The following NKAIN3 variants were observed in gnomAD, a reference collection of about 807,000 sequenced individuals.
NKAIN3 encodes sodium/potassium-transporting ATPase subunit beta-1-interacting protein 3.
In NKAIN3, 25 loss-of-function variants were observed where a neutral mutation model predicts 30.2. The observed-to-expected ratio is 0.83, with a 90% CI of 0.60 to 1.16. NKAIN3 has a LOEUF of 1.16. NKAIN3 is among the 50% of genes most tolerant of loss of function. NKAIN3 has a pLI of 0.00. For missense variants in NKAIN3, 225 were observed against 254.1 expected (o/e 0.89, Z 0.78); for synonymous variants, 91 against 89.6 (o/e 1.02, Z -0.09).
At chr8:62,443,768 CTTTT>C (rs1239105221) in intron 1 of NKAIN3, among the ~76,000 whole-genome samples, 1 of 151,896 alleles carries the variant, frequency 6.6e-6, no homozygotes, top group Non-Finnish European at 1.5e-5. Flanking sequence ...TCTTCTCTTT[CTTTT>C]TGATTTTTTC....
At chr8:62,805,715 G>A (rs531152355) in intron 4 of NKAIN3, among the ~76,000 whole-genome samples, 4 of 152,234 alleles carry the variant, frequency 2.6e-5, no homozygotes, top group East Asian at 1.9e-4. Context: ...GAAAACCTAG[G>A]CATTACCATT....
At chr8:62,831,924 C>T (rs1318946581) in intron 4 of NKAIN3, among the ~76,000 whole-genome samples, 1 of 151,978 alleles carries the variant, frequency 6.6e-6, no homozygotes, top group Non-Finnish European at 1.5e-5. Context: ...ACCAGACTGT[C>T]CAAGGCCAAC....
intron 1 of NKAIN3, among the ~76,000 whole-genome samples, chr8:62,489,382 T>A (rs1459287729): frequency 6.6e-6 from 1 of 152,162 alleles, no homozygotes; most frequent in Admixed American, 6.6e-5. Context: ...TCTCAATTTT[T>A]AAAAATTGTC....
intron 3 of NKAIN3, among the ~76,000 whole-genome samples, chr8:62,714,736 T>C (rs1298418925): frequency 6.6e-6 from 1 of 152,322 alleles, no homozygotes; most frequent in Non-Finnish European, 1.5e-5. Flanking sequence ...GCAATTTTTC[T>C]TTTTTTACAA....
At chr8:62,506,689 G>A (rs1001065499) in intron 1 of NKAIN3, among the ~76,000 whole-genome samples, 4 of 151,774 alleles carry the variant, frequency 2.6e-5, no homozygotes, top group African/African-American at 9.7e-5. Flanking sequence ...TGGCCAGGCT[G>A]GTCTCGAACT....
chr8:62,867,945 A>G (rs1300933821), intron 4 of NKAIN3, among the ~76,000 whole-genome samples: 2 of 152,236 alleles, frequency 1.3e-5, no homozygotes. Context: ...GCAATGTAGT[A>G]CATGCAGCTG....
intron 1 of NKAIN3, among the ~76,000 whole-genome samples, chr8:62,345,493 A>G (rs1378167283): frequency 1.1e-4 from 1 of 8,794 alleles, no homozygotes; most frequent in Non-Finnish European, 3.9e-4. Flanking sequence ...GTATATATAC[A>G]CACATATATA....
chr8:62,665,765 G>A (rs1188355010), intron 3 of NKAIN3, among the ~76,000 whole-genome samples: 2 of 152,130 alleles, frequency 1.3e-5, no homozygotes, highest in African/African-American at 4.8e-5. Context: ...CAGGGTCAGG[G>A]CTCACTATGA....
intron 5 of NKAIN3, among the ~76,000 whole-genome samples, chr8:62,918,919 A>G (rs554432696): frequency 1.3e-5 from 2 of 152,082 alleles, no homozygotes; most frequent in African/African-American, 4.8e-5. Context: ...TTACAGAAAG[A>G]TCTATATGTA....
At chr8:62,390,065 G>A (rs1817546774) in intron 1 of NKAIN3, among the ~76,000 whole-genome samples, 1 of 151,896 alleles carries the variant, frequency 6.6e-6, no homozygotes, top group Non-Finnish European at 1.5e-5. Flanking sequence ...ATATGTGTCG[G>A]CATCCCTGTT....
At chr8:62,796,415 C>T (rs1301764101) in intron 4 of NKAIN3, among the ~76,000 whole-genome samples, 1 of 115,440 alleles carries the variant, frequency 8.7e-6, no homozygotes, top group African/African-American at 3.4e-5. Context: ...AAAAAAAAGT[C>T]AGCAATGAAT....
chr8:62,636,830 A>G (rs1276258588), intron 3 of NKAIN3, among the ~76,000 whole-genome samples: 1 of 152,236 alleles, frequency 6.6e-6, no homozygotes, highest in Non-Finnish European at 1.5e-5. Context: ...CTGTATAATA[A>G]TAGTAATTAG....
At chr8:62,411,644 A>G (rs1804239760) in intron 1 of NKAIN3, among the ~76,000 whole-genome samples, 2 of 152,198 alleles carry the variant, frequency 1.3e-5, no homozygotes. Context: ...ATGATTTTAT[A>G]TCTGGAAAAC....
downstream of NKAIN3, among the ~76,000 whole-genome samples, chr8:62,989,867 T>C (rs1824284336): frequency 6.6e-6 from 1 of 152,194 alleles, no homozygotes. Flanking sequence ...ATGAATTCTC[T>C]GAGTGCTTTG....
chr8:62,432,797 A>G (rs1452679049), intron 1 of NKAIN3, among the ~76,000 whole-genome samples: 2 of 152,056 alleles, frequency 1.3e-5, no homozygotes, highest in African/African-American at 2.4e-5. Flanking sequence ...TTCCCTTGGT[A>G]TTGGACACTT....
At chr8:62,482,426 A>C (rs1806753282) in intron 1 of NKAIN3, 1 of 152,196 alleles carries the variant, frequency 6.6e-6, no homozygotes, top group African/African-American at 2.4e-5. Context: ...TCTTACTTCC[A>C]CCAATTTCAA....
intron 4 of NKAIN3, among the ~76,000 whole-genome samples, chr8:62,890,261 T>C (rs1563614262): frequency 1.3e-5 from 2 of 152,236 alleles, no homozygotes; most frequent in East Asian, 1.9e-4. Flanking sequence ...TTATGCTCTC[T>C]GATAGCAAAT....
At chr8:62,517,152 G>A (rs560130150) in intron 1 of NKAIN3, among the ~76,000 whole-genome samples, 1 of 152,064 alleles carries the variant, frequency 6.6e-6, no homozygotes, top group South Asian at 2.1e-4. Flanking sequence ...TGATTGCAGA[G>A]GTTGGTGGTG....
At position 62,853,723 on chromosome 8, in the gene NKAIN3, G is replaced by T. The variant is rs1316888758; in HGVS notation, c.472-64730G>T. Among the ~76,000 whole-genome samples the T allele has an allele frequency of 2.0e-5, 3 of 151,952 alleles. No homozygotes were observed. In the East Asian group the frequency reaches 5.8e-4, roughly 29 times the overall value. ...CTGTCTCCTTCAATTCAGCTCTGAT[G>T]TTGGTTATTTTTGCTAGCTTTCAGG... On this transcript the variant is annotated intron_variant, in intron 4 of 6. Transcript: ENST00000623646.
Sources: gnomAD v4.1 joint callset for allele counts (sites outside exome capture counted in the v4.1 genomes callset) on GRCh38, gnomAD v4.1.1 for gene constraint, MANE v1.5 for transcripts, NCBI Gene and HGNC (gene_info 2026-07-23, HGNC 2026-07-21) for gene names.